The following CTNNA3 variants were observed in gnomAD, a reference collection of about 807,000 sequenced individuals.
CTNNA3 encodes the protein catenin alpha-3.
CTNNA3 carries 76 observed loss-of-function variants against 95.7 expected under a neutral mutation model. The observed-to-expected ratio is 0.79, with a 90% confidence interval of 0.66 to 0.96. The LOEUF (loss-of-function observed/expected upper bound fraction) is 0.96, where lower values mean the gene tolerates loss of function less well. CTNNA3 is among the 40% of genes least tolerant of loss of function. The pLI is 0.00. For missense variants in CTNNA3, 1,191 were observed against 1,089.8 expected, an observed-to-expected ratio of 1.09 and a Z score of -1.31; for synonymous variants, 431 against 374.4, an observed-to-expected ratio of 1.15 and a Z score of -1.74.
intron 9 of CTNNA3, among the ~76,000 whole-genome samples, chr10:66,645,003 T>A (rs752832284): frequency 1.3e-5 from 2 of 152,220 alleles, no homozygotes; most frequent in Non-Finnish European, 2.9e-5. Flanking sequence ...ATAAGTGGAA[T>A]TATATAGTAT....
intron 13 of CTNNA3, among the ~76,000 whole-genome samples, chr10:66,155,778 T>C (rs1030830166): frequency 6.6e-6 from 1 of 151,934 alleles, no homozygotes; most frequent in Non-Finnish European, 1.5e-5. Context: ...AACAATTCCA[T>C]ATTCTTAGGG....
chr10:67,097,813 C>T (rs748062768), intron 7 of CTNNA3: 4 of 1,610,100 alleles, frequency 2.5e-6, no homozygotes, highest in Non-Finnish European at 3.4e-6. Context: ...TCATTGGTAG[C>T]CAGGGGTTGC....
intron 12 of CTNNA3, among the ~76,000 whole-genome samples, chr10:66,373,981 C>T (rs980649797): frequency 6.6e-6 from 1 of 152,182 alleles, no homozygotes; most frequent in African/African-American, 2.4e-5. Flanking sequence ...TGACACAGCC[C>T]ACTGTTTCCA....
In CTNNA3 at chr10:66,927,121, C is replaced by T; in HGVS notation, c.1048-151597G>A. ...TGCTGGTTGCTTAGGTTTGTCCCTT[C>T]GCTATAACAGCCTTCAAAAACTTAA... On this transcript the variant is annotated intron_variant, in intron 7 of 17. Coordinates refer to ENST00000433211, the MANE Select transcript of CTNNA3 (RefSeq NM_013266.4). This position sits in a 1 kb window ranked among gnomAD's most constrained non-coding sequence, Gnocchi z 4.7. 2 of 1,614,110 alleles carry T rather than the reference C, an allele frequency of 1.2e-6. No individual in the cohort carries two copies. Among genetic ancestry groups the T allele is most frequent in the Non-Finnish European group, 1.7e-6 (2 of 1,180,006 alleles).
intron 5 of CTNNA3, among the ~76,000 whole-genome samples, chr10:67,493,300 C>A (rs1248848688): frequency 2.0e-5 from 3 of 152,054 alleles, no homozygotes; most frequent in Admixed American, 6.5e-5. Context: ...CGGCGGCTCA[C>A]CCCTGTAATC....
chr10:66,898,532 T>C (rs1845593388), intron 7 of CTNNA3, among the ~76,000 whole-genome samples: 1 of 151,848 alleles, frequency 6.6e-6, no homozygotes. Context: ...GAATAGAGCA[T>C]CCAGAAATAA....
At chr10:66,816,887 A>C (rs1333569666) in intron 7 of CTNNA3, among the ~76,000 whole-genome samples, 1 of 152,126 alleles carries the variant, frequency 6.6e-6, no homozygotes, top group Non-Finnish European at 1.5e-5. Context: ...TGGGAAATTC[A>C]CAAATATGTG....
chr10:66,580,535 A>G (rs1843150653), intron 10 of CTNNA3, among the ~76,000 whole-genome samples: 1 of 151,752 alleles, frequency 6.6e-6, no homozygotes, highest in African/African-American at 2.4e-5. Context: ...AAATCTTTGT[A>G]AGATAATTCT....
At chr10:67,159,157 T>C (rs1861431762) in intron 7 of CTNNA3, among the ~76,000 whole-genome samples, 2 of 152,204 alleles carry the variant, frequency 1.3e-5, no homozygotes, top group South Asian at 2.1e-4. Flanking sequence ...CCCTGTTCTG[T>C]TTCTCTCTGA....
At chr10:66,129,835 AC>A (rs970241931) in intron 13 of CTNNA3, among the ~76,000 whole-genome samples, 11 of 150,160 alleles carry the variant, frequency 7.3e-5, no homozygotes, top group East Asian at 4.0e-4. Context: ...CACCATAGGC[AC>A]CCCCCCACAT....
chr10:66,132,229 C>T (rs1564681299), intron 13 of CTNNA3, among the ~76,000 whole-genome samples: 1 of 152,092 alleles, frequency 6.6e-6, no homozygotes, highest in Non-Finnish European at 1.5e-5. Context: ...CAAACAATCC[C>T]ATTGAAAAGT....
At chr10:66,330,981 G>A (rs1385942247) in intron 12 of CTNNA3, among the ~76,000 whole-genome samples, 3 of 152,028 alleles carry the variant, frequency 2.0e-5, no homozygotes, top group Non-Finnish European at 4.4e-5. Flanking sequence ...TTTGTCAGAT[G>A]AGTAGATGGC....
intron 7 of CTNNA3, among the ~76,000 whole-genome samples, chr10:67,113,968 A>AT (rs1859037690): frequency 1.3e-5 from 2 of 152,094 alleles, no homozygotes; most frequent in African/African-American, 4.8e-5. Flanking sequence ...CTGTAGTCCC[A>AT]GCTACTCAGG....
chr10:67,426,125 CAT>C (rs1437139475), intron 5 of CTNNA3, among the ~76,000 whole-genome samples: 1 of 151,996 alleles, frequency 6.6e-6, no homozygotes, highest in Non-Finnish European at 1.5e-5. Flanking sequence ...GTAGAAAAAA[CAT>C]AGAACAAATG....
chr10:66,249,522 G>A (rs1212306437), intron 13 of CTNNA3, among the ~76,000 whole-genome samples: 1 of 152,160 alleles, frequency 6.6e-6, no homozygotes, highest in Admixed American at 6.5e-5. Context: ...ACAGGAATAT[G>A]AAAAGGTGCT....
At chr10:66,779,773 C>A (rs7905441) in intron 7 of CTNNA3, among the ~76,000 whole-genome samples, 6,924 of 152,226 alleles carry the variant, frequency 0.045, 566 homozygotes, top group African/African-American at 0.16. Flanking sequence ...TCTTATAGTT[C>A]TTATACTTCT....
At chr10:67,108,089 G>A (rs1858747717) in intron 7 of CTNNA3, among the ~76,000 whole-genome samples, 2 of 152,186 alleles carry the variant, frequency 1.3e-5, no homozygotes, top group South Asian at 4.1e-4. Flanking sequence ...AAACAGACCA[G>A]TACTAGAATG....
chr10:66,218,656 A>G (rs1248299425), intron 13 of CTNNA3, among the ~76,000 whole-genome samples: 1 of 152,216 alleles, frequency 6.6e-6, no homozygotes, highest in Non-Finnish European at 1.5e-5. Flanking sequence ...TAAGAAGCTA[A>G]GTTTTGTGTT....
At chr10:66,672,278 A>G (rs1295480976) in intron 9 of CTNNA3, among the ~76,000 whole-genome samples, 2 of 152,138 alleles carry the variant, frequency 1.3e-5, no homozygotes, top group African/African-American at 4.8e-5. Flanking sequence ...TAACAAAGTT[A>G]TAGGCTCTGT....
Sources: allele counts gnomAD v4.1 joint callset (sites outside exome capture counted in the v4.1 genomes callset), GRCh38; gene constraint gnomAD v4.1.1; non-coding constraint Gnocchi (gnomAD v3.1); transcripts MANE v1.5; gene names NCBI Gene and HGNC (gene_info 2026-07-23, HGNC 2026-07-21).